The following SH2D4A variants were observed in gnomAD, a reference collection of about 807,000 sequenced individuals.
SH2D4A encodes SH2 domain containing 4A.
In SH2D4A, 70 loss-of-function variants were observed where a neutral mutation model predicts 64.7. The observed-to-expected ratio is 1.08, with a 90% CI of 0.89 to 1.32. The LOEUF is 1.32. Among genes scored for constraint, SH2D4A ranks in the 40% most tolerant of loss-of-function variants. SH2D4A has a pLI of 0.00. For missense variants in SH2D4A, 706 were observed against 540.1 expected, an observed-to-expected ratio of 1.31 and a Z score of -3.04; for synonymous variants, 268 against 200.7, an observed-to-expected ratio of 1.34 and a Z score of -2.83.
intron 2 of SH2D4A, among the ~76,000 whole-genome samples, chr8:19,321,058 T>C (rs1021819826): frequency 6.6e-6 from 1 of 152,208 alleles, no homozygotes; most frequent in African/African-American, 2.4e-5. Context: ...CCTCTTGTTA[T>C]GATCAATACA....
intron 4 of SH2D4A, among the ~76,000 whole-genome samples, chr8:19,345,034 G>C (rs545054728): frequency 6.6e-6 from 1 of 152,300 alleles, no homozygotes; most frequent in East Asian, 1.9e-4. Context: ...CAAGTGGTCA[G>C]AAGAACTGGA....
intron 8 of SH2D4A, among the ~76,000 whole-genome samples, chr8:19,384,647 C>T (rs180884316): frequency 1.3e-5 from 2 of 152,298 alleles, no homozygotes; most frequent in African/African-American, 4.8e-5. Flanking sequence ...ACTGAAGAGT[C>T]ATCCCAGTTA....
chr8:19,393,677 ATTCT>A, intron 9 of SH2D4A, 136 bp downstream of exon 9: 1 of 764,170 alleles, frequency 1.3e-6, no homozygotes, highest in Non-Finnish European at 2.1e-6. Context: ...GTCTTTGATA[ATTCT>A]TCCTGATAAT....
rs144723114 is a variant in SH2D4A, at chr8:19,330,133, A to T, written c.182-2822A>T. Reference sequence around the variant, plus strand: ...GCTCTACATCTTGCTAATAGCAAAAACTCATTTTCTGCCTTGTAGAATGAA... The same window carrying T: ...GCTCTACATCTTGCTAATAGCAAAATCTCATTTTCTGCCTTGTAGAATGAA... On this transcript the variant is annotated intron_variant, in intron 2 of 9. Transcript: ENST00000265807. 8.4e-3 allele frequency among the ~76,000 whole-genome samples: 1,278 copies of T among 152,190 alleles called. 15 individuals carry two copies. Among genetic ancestry groups the T allele is most frequent in the African/African-American group, 0.029 (1,186 of 41,520 alleles).
At chr8:19,392,784 C>T (rs2053514485) in intron 8 of SH2D4A, among the ~76,000 whole-genome samples, 4 of 151,874 alleles carry the variant, frequency 2.6e-5, no homozygotes, top group African/African-American at 9.7e-5. Flanking sequence ...GTTGCCCAGG[C>T]TGGAGGGAGT....
chr8:19,390,135 C>A (rs1217609254), intron 8 of SH2D4A, among the ~76,000 whole-genome samples: 1 of 152,146 alleles, frequency 6.6e-6, no homozygotes, highest in African/African-American at 2.4e-5. Flanking sequence ...CATCCCAGCA[C>A]TTTGGGAGGC....
At chr8:19,393,657 G>T (rs2053537338) in intron 9 of SH2D4A, 116 bp downstream of exon 9, 2 of 913,258 alleles carry the variant, frequency 2.2e-6, no homozygotes, top group Non-Finnish European at 3.3e-6. Context: ...GGGGACAGGG[G>T]TGGGGGCTTG....
At chr8:19,321,299 C>T (rs1236623164) in intron 2 of SH2D4A, among the ~76,000 whole-genome samples, 1 of 152,090 alleles carries the variant, frequency 6.6e-6, no homozygotes, top group African/African-American at 2.4e-5. Context: ...ATGCAACCTT[C>T]GTCTCCCGGG....
At chr8:19,315,771 A>AGTAC (rs2052077831) in intron 1 of SH2D4A, among the ~76,000 whole-genome samples, 1 of 152,326 alleles carries the variant, frequency 6.6e-6, no homozygotes, top group South Asian at 2.1e-4. Flanking sequence ...AGTATCAGCA[A>AGTAC]TGATTACTTC....
intron 8 of SH2D4A, among the ~76,000 whole-genome samples, chr8:19,387,955 G>C (rs1456563557): frequency 1.3e-5 from 2 of 152,180 alleles, no homozygotes; most frequent in Non-Finnish European, 2.9e-5. Context: ...GACTCATTAA[G>C]GAGCTTCTCA....
intron 4 of SH2D4A, among the ~76,000 whole-genome samples, chr8:19,353,664 G>T (rs1298278073): frequency 7.1e-6 from 1 of 141,102 alleles, no homozygotes; most frequent in African/African-American, 2.6e-5. Flanking sequence ...ACCACACCTG[G>T]CCTCTAGCTG....
At chr8:19,362,169 A>C (rs1364639929) in intron 6 of SH2D4A, among the ~76,000 whole-genome samples, 2 of 152,188 alleles carry the variant, frequency 1.3e-5, no homozygotes, top group Non-Finnish European at 2.9e-5. Context: ...TCCCATTACA[A>C]CCAATGCCAT....
intron 4 of SH2D4A, among the ~76,000 whole-genome samples, chr8:19,345,714 G>A (rs1199095302): frequency 1.3e-5 from 2 of 152,208 alleles, no homozygotes; most frequent in African/African-American, 4.8e-5. Context: ...CCATGCAACA[G>A]TTTCTGTGGT....
chr8:19,325,206 C>G (rs2052258340), intron 2 of SH2D4A, among the ~76,000 whole-genome samples: 1 of 152,186 alleles, frequency 6.6e-6, no homozygotes, highest in Non-Finnish European at 1.5e-5. Flanking sequence ...ACTCACCCAC[C>G]TAGTCTCTGA....
In SH2D4A at chr8:19,333,114, G is replaced by C. The variant is rs1460079297; in HGVS notation, c.341G>C (p.Arg114Thr). The change falls in exon 3 of 10, where the codon AGA (arginine) becomes ACA (threonine). Residue 114 changes from arginine to threonine, a missense_variant and splice_region_variant. Transcript: ENST00000265807. ...GCAGAACAGGAGGCAGAAGAGCCCAGGTATGAGATCTGCAAACCAACCAGA... is the reference window on the plus strand; with the variant it reads ...GCAGAACAGGAGGCAGAAGAGCCCACGTATGAGATCTGCAAACCAACCAGA... The part of the protein sequence containing the change: ...LKAEQEAEEP[R>T]KTHSEEFTNS... 4.4e-6 allele frequency: 7 copies of C among 1,605,578 alleles called. No homozygotes were observed. In the East Asian group the frequency reaches 1.3e-4, roughly 31 times the overall value.
chr8:19,394,449 G>C (rs747442516), intron 9 of SH2D4A, 101 bp from the exon 10 acceptor site: 11 of 735,650 alleles, frequency 1.5e-5, no homozygotes, highest in African/African-American at 1.3e-4. Context: ...CAAAAGCTTT[G>C]TGTAAATCAT....
chr8:19,320,116 A>G (rs17128186), intron 2 of SH2D4A, among the ~76,000 whole-genome samples: 7,576 of 152,238 alleles, frequency 0.05, 202 homozygotes, highest in African/African-American at 0.074. Flanking sequence ...TTGTGTTTGC[A>G]TTTCTTAGAC....
At chr8:19,366,777 G>T (rs2053002661) in intron 7 of SH2D4A, among the ~76,000 whole-genome samples, 2 of 152,168 alleles carry the variant, frequency 1.3e-5, no homozygotes, top group African/African-American at 4.8e-5. Flanking sequence ...GGATGACAGA[G>T]TGAGACTCTG....
At chr8:19,314,441 C>G (rs1389359590) in intron 1 of SH2D4A, among the ~76,000 whole-genome samples, 2 of 152,102 alleles carry the variant, frequency 1.3e-5, no homozygotes, top group Non-Finnish European at 2.9e-5. Context: ...CCGCCTCCCT[C>G]GGGCTGCAGC....
Sources: allele counts gnomAD v4.1 joint callset (sites outside exome capture counted in the v4.1 genomes callset), GRCh38; gene constraint gnomAD v4.1.1; transcripts MANE v1.5; gene names NCBI Gene and HGNC (gene_info 2026-07-23, HGNC 2026-07-21).